Variants in DSC2 observed in about 807,000 individuals in gnomAD.
The protein encoded by DSC2 is desmocollin 2.
Under a neutral mutation model 87.6 loss-of-function variants are expected in DSC2, and 51 were observed. The ratio of observed to expected loss-of-function variants is 0.58; its 90% confidence interval spans 0.46 to 0.74. DSC2 has a LOEUF of 0.74. DSC2 is among the 30% of genes least tolerant of loss of function. The pLI is 0.00. For missense variants in DSC2, 1,066 were observed against 1,089.5 expected (o/e 0.98, Z 0.30); for synonymous variants, 383 against 393.2 (o/e 0.97, Z 0.31).
At chr18:31,082,159 A>G in intron 9 of DSC2, 79 bp downstream of exon 9, 137 of 1,131,876 alleles carry the variant, frequency 1.2e-4, no homozygotes, top group Non-Finnish European at 1.7e-4. Flanking sequence ...ATTTATCAGA[A>G]TTCCTTTCTT....
In DSC2 at chr18:31,071,812, C is replaced by G. The variant is rs267605146; in HGVS notation, c.1918G>C (p.Asp640His). 1 of 1,613,888 alleles carries G rather than the reference C, an allele frequency of 6.2e-7. No homozygotes were observed. The highest frequency in any genetic ancestry group is 8.5e-7 in the Non-Finnish European group (1 of 1,179,874). ...ACTACATATGAGCCAAATGGAGGAT[C>G]ATTCTGATAGGAAAGACGTGCTGCT... ...DTAARLSYQN[D>H]PPFGSYVVPI... is the part of the protein sequence containing the mutation. Residue 640 changes from aspartate to histidine, a missense_variant, in exon 13 of 16, where the codon GAT becomes CAT. Transcript: ENST00000280904.
In DSC2 at chr18:31,066,416, T is replaced by C. The variant is rs1045952269; in HGVS notation, c.*1599A>G. The C allele has an allele frequency of 7.9e-5, 12 of 152,172 alleles. No homozygotes were observed. The highest frequency in any genetic ancestry group is 1.4e-4 in the African/African-American group (6 of 41,458). The allele number at this position is 152,172 out of a possible 1,614,324, so 9.4% of individuals were successfully genotyped here. A position where few individuals can be genotyped will look rare whatever the true frequency, so the allele number is the denominator to read the frequency against. On this transcript the variant is annotated 3_prime_UTR_variant, in exon 16 of 16. Transcript: ENST00000280904. ...TGACTAGTAATATATAAGAATTTTG[T>C]ATATACTTTATTAAAAATAACTTTG...
At chr18:31,099,142 T>C (rs1342897203) in intron 1 of DSC2, among the ~76,000 whole-genome samples, 1 of 152,218 alleles carries the variant, frequency 6.6e-6, no homozygotes, top group Admixed American at 6.5e-5. Flanking sequence ...TGAAGACATC[T>C]GAACTAGTAA....
At chr18:31,099,153 T>C (rs1279564515) in intron 1 of DSC2, among the ~76,000 whole-genome samples, 4 of 152,196 alleles carry the variant, frequency 2.6e-5, no homozygotes, top group Admixed American at 1.3e-4. Context: ...GAACTAGTAA[T>C]ATTAATTTAG....
intron 5 of DSC2, among the ~76,000 whole-genome samples, chr18:31,088,572 A>C (rs1291131285): frequency 3.3e-5 from 5 of 152,192 alleles, no homozygotes; most frequent in African/African-American, 1.2e-4. Flanking sequence ...TTCATCCAAA[A>C]TAGACATAAA....
At chr18:31,086,200 CAG>C in intron 7 of DSC2, among the ~76,000 whole-genome samples, 1 of 152,180 alleles carries the variant, frequency 6.6e-6, no homozygotes, top group South Asian at 2.1e-4. Context: ...AATGGGAAAC[CAG>C]AGATTAGAGA....
At chr18:31,091,700 C>T in intron 3 of DSC2, 2 of 418,014 alleles carry the variant, frequency 4.8e-6, no homozygotes, top group South Asian at 3.4e-5. Context: ...TCCAAACCTC[C>T]TCCTAAAATA....
chr18:31,089,495 T>C lies in DSC2; in HGVS notation c.574A>G (p.Thr192Ala). The C allele has an allele frequency of 1.9e-6, 3 of 1,614,050 alleles. No individual in the cohort carries two copies. The highest frequency in any genetic ancestry group is 1.7e-6 in the Non-Finnish European group (2 of 1,179,974). ...GGACGAGTACAATACAAGTTTCCAG[T>C]GTCTCTCTCCACATAAAATAAATTC... ...PRNLFYVERD[T>A]GNLYCTRPVD... is the part of the protein sequence containing the mutation. Residue 192 changes from threonine to alanine, a missense_variant, in exon 5 of 16, where the codon ACT becomes GCT. By Grantham distance (58) the Thr-to-Ala change is moderately conservative (BLOSUM62 0). Coordinates refer to ENST00000280904, the MANE Select transcript of DSC2 (RefSeq NM_024422.6).
rs1789053 is a variant in DSC2, at chr18:31,069,043, C to T, written c.2359G>A (p.Val787Met). ...KNGGQETIEMVKGGHQTSESC... is the reference protein window; with the variant it reads ...KNGGQETIEMMKGGHQTSESC... ...TCCGAGGTCTGGTGTCCTCCTTTCA[C>T]CATTTCGATGGTCTCCTGACCTCCG... The change falls in exon 15 of 16, where the codon GTG (valine) becomes ATG (methionine). Residue 787 changes from valine (V) to methionine (M), a missense_variant. Coordinates refer to ENST00000280904, the MANE Select transcript of DSC2 (RefSeq NM_024422.6). The T allele has an allele frequency of 6.2e-7, 1 of 1,614,130 alleles. No individual in the cohort carries two copies. The highest frequency in any genetic ancestry group is 8.5e-7 in the Non-Finnish European group (1 of 1,180,004).
chr18:31,073,817 CT>C (rs1986913600), intron 12 of DSC2, among the ~76,000 whole-genome samples: 1 of 152,170 alleles, frequency 6.6e-6, no homozygotes. Flanking sequence ...ACTGTAGATC[CT>C]TCTGGGCTAA....
rs542378714 is a variant in DSC2, at chr18:31,101,168, G to A, written c.69+735C>T. 25 of 984,940 alleles carry A rather than the reference G, an allele frequency of 2.5e-5. No individual in the cohort carries two copies. In the African/African-American group the frequency reaches 4.4e-4, roughly 17 times the overall value. The allele number at this position is 984,940 out of a possible 1,614,324, so 61.0% of individuals were successfully genotyped here. ...GACCCTTCCTTCCTCCGAAGATTTA[G>A]GGAACTGAAGCCTCGCACGTTAAGA... On this transcript the variant is annotated intron_variant, in intron 1 of 15. Coordinates refer to ENST00000280904, the MANE Select transcript of DSC2 (RefSeq NM_024422.6).
At chr18:31,100,408 A>G (rs1658125) in intron 1 of DSC2, among the ~76,000 whole-genome samples, 106,301 of 152,092 alleles carry the variant, frequency 0.7, 40,134 homozygotes, top group South Asian at 0.87. Context: ...GGTGGTTTTA[A>G]AAGAAATTGC....
At chr18:31,068,257 A>G in intron 15 of DSC2, 45 bp from the exon 16 acceptor site, 2 of 1,612,748 alleles carry the variant, frequency 1.2e-6, no homozygotes, top group Non-Finnish European at 8.5e-7. Flanking sequence ...ATTATTTTAA[A>G]CACCAAAATT....
At chr18:31,101,100 G>A (rs1987931064) in intron 1 of DSC2, 5 of 786,390 alleles carry the variant, frequency 6.4e-6, no homozygotes, top group Non-Finnish European at 7.7e-6. Context: ...GGCGGGTGGT[G>A]AGCAGAAAAA....
Position 31,070,833 on chromosome 18 carries a change from C to G in DSC2, c.2143G>C (p.Val715Leu). 2 of 1,613,700 alleles carry G rather than the reference C, an allele frequency of 1.2e-6. No homozygotes were observed. Among genetic ancestry groups the G allele is most frequent in the Non-Finnish European group, 1.7e-6 (2 of 1,179,802 alleles). The change falls in exon 14 of 16, where the codon GTC (valine) becomes CTC (leucine). Residue 715 changes from valine (V) to leucine (L), a missense_variant. Physicochemically the swap from Val to Leu is conservative, Grantham distance 32. Transcript: ENST00000280904. ...ALLFCILFTL[V>L]CGASGTSKQP... ...TTAGACGTCCCAGAAGCCCCACAGA[C>G]CAGCGTAAACAGGATGCCTGGAGGA... is the stretch of plus-strand genomic sequence containing the variant.
intron 11 of DSC2, 120 bp downstream of exon 11, chr18:31,079,727 T>C: frequency 8.8e-7 from 1 of 1,135,034 alleles, no homozygotes; most frequent in Non-Finnish European, 1.3e-6. Context: ...TACTTTATAT[T>C]ATCAAGAGAT....
intron 12 of DSC2, among the ~76,000 whole-genome samples, chr18:31,073,579 T>C (rs577508533): frequency 6.6e-6 from 1 of 152,272 alleles, no homozygotes; most frequent in African/African-American, 2.4e-5. Context: ...TAACAGGAAA[T>C]TGAGGGATAT....
At chr18:31,081,019 G>C (rs1025809313) in intron 9 of DSC2, among the ~76,000 whole-genome samples, 1 of 152,118 alleles carries the variant, frequency 6.6e-6, no homozygotes, top group Non-Finnish European at 1.5e-5. Context: ...ATTTCAGAGA[G>C]TATTTAATGA....
intron 13 of DSC2, among the ~76,000 whole-genome samples, 200 bp downstream of exon 13, chr18:31,071,405 G>A (rs1986822404): frequency 6.6e-6 from 1 of 151,990 alleles, no homozygotes. Context: ...AAATTAGCTG[G>A]GCATTGTGGC....
Sources: allele counts gnomAD v4.1 joint callset (sites outside exome capture counted in the v4.1 genomes callset), GRCh38; gene constraint gnomAD v4.1.1; transcripts MANE v1.5; gene names NCBI Gene and HGNC (gene_info 2026-07-23, HGNC 2026-07-21).